The following CTNNA3 variants were observed in gnomAD, a reference collection of about 807,000 sequenced individuals.
The protein encoded by CTNNA3 is catenin alpha 3.
A neutral mutation model predicts 95.7 loss-of-function variants in CTNNA3; 76 were observed. The ratio of observed to expected loss-of-function variants is 0.79; its 90% CI spans 0.66 to 0.96. CTNNA3 has a LOEUF of 0.96. Among genes scored for constraint, CTNNA3 ranks in the 40% least tolerant of loss-of-function variants. CTNNA3 has a pLI of 0.00. For missense variants in CTNNA3, 1,191 were observed against 1,089.8 expected, an observed-to-expected ratio of 1.09 and a Z score of -1.31; for synonymous variants, 431 against 374.4, an observed-to-expected ratio of 1.15 and a Z score of -1.74.
chr10:66,244,118 C>T (rs958538443), intron 13 of CTNNA3, among the ~76,000 whole-genome samples: 2 of 152,208 alleles, frequency 1.3e-5, no homozygotes, highest in African/African-American at 2.4e-5. Context: ...TGGCAGAACT[C>T]TCCACAAGCT....
intron 11 of CTNNA3, among the ~76,000 whole-genome samples, chr10:66,480,740 G>A (rs1839492885): frequency 6.6e-6 from 1 of 152,062 alleles, no homozygotes; most frequent in Admixed American, 6.6e-5. Flanking sequence ...GAGTAGCTGG[G>A]ACTACAGGTG....
intron 2 of CTNNA3, among the ~76,000 whole-genome samples, chr10:67,609,849 G>A (rs1414520059): frequency 6.6e-6 from 1 of 152,124 alleles, no homozygotes; most frequent in Non-Finnish European, 1.5e-5. Flanking sequence ...CATGCTAAAT[G>A]TGGCAGTTAG....
rs145022294 is a variant in CTNNA3 at position 67,012,813 on chromosome 10, C to G, written c.1047+167504G>C. Among the ~76,000 whole-genome samples the G allele has an allele frequency of 2.0e-5, 3 of 152,046 alleles. No individual in the cohort carries two copies. In the South Asian group the frequency reaches 6.3e-4, roughly 32 times the overall value. ...GTGTTTGTTAAAGTTTTATTAAAAGCGATCCTAGAAAATATAACTAGAGCT... is the reference window on the plus strand; with the variant it reads ...GTGTTTGTTAAAGTTTTATTAAAAGGGATCCTAGAAAATATAACTAGAGCT... On this transcript the variant is annotated intron_variant, in intron 7 of 17. Coordinates refer to ENST00000433211, the MANE Select transcript of CTNNA3 (RefSeq NM_013266.4).
chr10:66,858,727 C>T (rs553631058), intron 7 of CTNNA3, among the ~76,000 whole-genome samples: 6 of 151,838 alleles, frequency 4.0e-5, no homozygotes, highest in South Asian at 4.2e-4. Flanking sequence ...GTGGGGTCAG[C>T]GGTAATGTCC....
chr10:67,066,562 C>A (rs1856104966), intron 7 of CTNNA3, among the ~76,000 whole-genome samples: 2 of 149,628 alleles, frequency 1.3e-5, no homozygotes, highest in Admixed American at 1.3e-4. Context: ...GGTACATACA[C>A]ACCAACCATT....
chr10:66,214,554 T>C (rs534332902), intron 13 of CTNNA3, among the ~76,000 whole-genome samples: 10 of 152,248 alleles, frequency 6.6e-5, no homozygotes, highest in Non-Finnish European at 1.3e-4. Context: ...TCCTGTCTTA[T>C]AAGACAGCTA....
chr10:66,407,105 T>G (rs985404254), intron 11 of CTNNA3, among the ~76,000 whole-genome samples: 3 of 151,992 alleles, frequency 2.0e-5, no homozygotes, highest in Admixed American at 6.6e-5. Flanking sequence ...GCCAACAGAT[T>G]TATGTGATAG....
intron 5 of CTNNA3, among the ~76,000 whole-genome samples, chr10:67,416,607 C>CAA (rs368513767): frequency 0.02 from 746 of 37,704 alleles, 33 homozygotes; most frequent in Middle Eastern, 0.043. Context: ...GACTCTGTCT[C>CAA]AAAAAAAAAA....
At chr10:67,573,398 G>T (rs1842038540) in intron 3 of CTNNA3, among the ~76,000 whole-genome samples, 1 of 152,042 alleles carries the variant, frequency 6.6e-6, no homozygotes, top group African/African-American at 2.4e-5. Flanking sequence ...AAGTCTTGAG[G>T]TACATGGAAG....
chr10:66,204,364 T>C (rs1267310680), intron 13 of CTNNA3, among the ~76,000 whole-genome samples: 1 of 152,028 alleles, frequency 6.6e-6, no homozygotes, highest in East Asian at 1.9e-4. Context: ...ATCACAAAAT[T>C]TTGGAACAAA....
At chr10:66,278,596 G>T (rs2091439700) in intron 13 of CTNNA3, among the ~76,000 whole-genome samples, 1 of 151,996 alleles carries the variant, frequency 6.6e-6, no homozygotes, top group South Asian at 2.1e-4. Context: ...AATTTGATTT[G>T]CTATAAGTAA....
intron 13 of CTNNA3, among the ~76,000 whole-genome samples, chr10:66,198,665 A>G (rs12777891): frequency 0.086 from 13,030 of 152,136 alleles, 619 homozygotes; most frequent in Admixed American, 0.12. Flanking sequence ...TAAATTCTAC[A>G]TTCATTAATA....
At chr10:66,446,313 A>T (rs1173262153) in intron 11 of CTNNA3, among the ~76,000 whole-genome samples, 1 of 152,180 alleles carries the variant, frequency 6.6e-6, no homozygotes, top group Non-Finnish European at 1.5e-5. Context: ...AATCCTCCCT[A>T]ACTCATTTTA....
At chr10:66,093,526 T>C (rs763894755) in intron 14 of CTNNA3, among the ~76,000 whole-genome samples, 9 of 152,002 alleles carry the variant, frequency 5.9e-5, no homozygotes, top group Non-Finnish European at 1.2e-4. Flanking sequence ...ATCAGAAATA[T>C]AGGCTCAGGG....
At chr10:67,522,040 C>T (rs185051739) in intron 4 of CTNNA3, 79 bp from the exon 5 acceptor site, 4 of 1,393,204 alleles carry the variant, frequency 2.9e-6, no homozygotes, top group African/African-American at 2.9e-5. Context: ...CACGAAGAGT[C>T]GATAATGAGC....
intron 12 of CTNNA3, among the ~76,000 whole-genome samples, chr10:66,377,201 T>C (rs183008623): frequency 0.015 from 2,235 of 152,186 alleles, 20 homozygotes; most frequent in Non-Finnish European, 0.021. Flanking sequence ...AATTGGGACA[T>C]CATAAACTAT....
intron 10 of CTNNA3, among the ~76,000 whole-genome samples, chr10:66,524,394 C>T (rs1335795740): frequency 5.3e-5 from 8 of 152,030 alleles, no homozygotes; most frequent in Non-Finnish European, 1.0e-4. Flanking sequence ...TGCTCGCAGC[C>T]CACACTGAGA....
intron 10 of CTNNA3, among the ~76,000 whole-genome samples, chr10:66,576,435 G>A (rs1475524295): frequency 1.3e-5 from 2 of 152,006 alleles, no homozygotes; most frequent in African/African-American, 4.8e-5. Context: ...CACCAAGGTA[G>A]TGAGCATAGT....
chr10:67,244,894 C>G (rs1288507904), intron 5 of CTNNA3, among the ~76,000 whole-genome samples: 1 of 152,214 alleles, frequency 6.6e-6, no homozygotes, highest in East Asian at 1.9e-4. Flanking sequence ...GTTCAGTTAA[C>G]AGCAATTCTT....
Sources: gnomAD v4.1 joint callset for allele counts (sites outside exome capture counted in the v4.1 genomes callset) on GRCh38, gnomAD v4.1.1 for gene constraint, MANE v1.5 for transcripts, NCBI Gene and HGNC (gene_info 2026-07-23, HGNC 2026-07-21) for gene names.